ILKAP: variants seen among roughly 807,000 people sequenced by gnomAD.
The protein encoded by ILKAP is integrin-linked kinase-associated serine/threonine phosphatase 2C.
In ILKAP, 11 loss-of-function variants were observed where a neutral mutation model predicts 49.1. That is an observed-to-expected ratio of 0.22 (90% CI 0.14 to 0.37). The LOEUF (loss-of-function observed/expected upper bound fraction) is 0.37, where lower values mean the gene tolerates loss of function less well. Among genes scored for constraint, ILKAP ranks in the 10% least tolerant of loss-of-function variants. ILKAP has a pLI of 1.00. For missense variants in ILKAP, 363 were observed against 510.8 expected, an observed-to-expected ratio of 0.71 and a Z score of 2.79; for synonymous variants, 186 against 192.8, an observed-to-expected ratio of 0.96 and a Z score of 0.29.
chr2:238,178,518 T>C (rs1450468211), intron 9 of ILKAP, among the ~76,000 whole-genome samples: 1 of 152,212 alleles, frequency 6.6e-6, no homozygotes, highest in Non-Finnish European at 1.5e-5. Context: ...TATGAAACTG[T>C]TTTAACAAAT....
At chr2:238,173,441 TTCCC>T in intron 10 of ILKAP, 89 bp downstream of exon 10, 1 of 1,520,248 alleles carries the variant, frequency 6.6e-7, no homozygotes, top group Non-Finnish European at 9.0e-7. Flanking sequence ...CATGCACACC[TTCCC>T]TCCAACAAAG....
At chr2:238,195,002 G>T in intron 1 of ILKAP, 132 bp from the exon 2 acceptor site, 1 of 666,414 alleles carries the variant, frequency 1.5e-6, no homozygotes, top group Non-Finnish European at 2.6e-6. Flanking sequence ...CCTTCCTGTT[G>T]GGCAAATTTT....
At chr2:238,179,517 T>C (rs1693600760) in intron 9 of ILKAP, among the ~76,000 whole-genome samples, 1 of 152,190 alleles carries the variant, frequency 6.6e-6, no homozygotes, top group African/African-American at 2.4e-5. Context: ...GATTTAGGGA[T>C]GCTAAGACCA....
intron 8 of ILKAP, among the ~76,000 whole-genome samples, chr2:238,182,903 A>G (rs1340560515): frequency 6.6e-6 from 1 of 152,154 alleles, no homozygotes; most frequent in Admixed American, 6.5e-5. Flanking sequence ...CCATACCCCT[A>G]GCACTTAGTA....
intron 9 of ILKAP, among the ~76,000 whole-genome samples, chr2:238,180,652 G>A (rs1693652812): frequency 1.3e-5 from 2 of 152,234 alleles, no homozygotes; most frequent in Non-Finnish European, 2.9e-5. Context: ...GACCCACGCT[G>A]CTGGTCTCTT....
chr2:238,172,004 A>G (rs1048369158), intron 10 of ILKAP, among the ~76,000 whole-genome samples: 1 of 151,902 alleles, frequency 6.6e-6, no homozygotes, highest in South Asian at 2.1e-4. Context: ...TCTCACTGTA[A>G]TATCTGTGGG....
At chr2:238,185,579 G>A (rs1172222524) in intron 5 of ILKAP, 11 of 269,126 alleles carry the variant, frequency 4.1e-5, no homozygotes, top group South Asian at 2.1e-4. Context: ...CGAGGCAGGC[G>A]GATCACGAGA....
chr2:238,174,938 A>G (rs943848652), intron 9 of ILKAP, among the ~76,000 whole-genome samples: 4 of 152,168 alleles, frequency 2.6e-5, no homozygotes, highest in African/African-American at 9.7e-5. Flanking sequence ...CCCAGTCATA[A>G]ATCCATCCTG....
At chr2:238,188,358 A>C (rs60823094) in intron 4 of ILKAP, 101 bp from the exon 5 acceptor site, 65,005 of 1,388,402 alleles carry the variant, frequency 0.047, 2,978 homozygotes, top group African/African-American at 0.23. Context: ...TGTCTGACTC[A>C]GCAATATCCT....
chr2:238,187,188 G>C (rs994178284), intron 5 of ILKAP: 3 of 152,304 alleles, frequency 2.0e-5, no homozygotes, highest in African/African-American at 7.2e-5. Flanking sequence ...AGGAGGTCAA[G>C]CCTGCAATGA....
chr2:238,174,829 C>T (rs1693377581), intron 9 of ILKAP, among the ~76,000 whole-genome samples: 1 of 151,846 alleles, frequency 6.6e-6, no homozygotes, highest in Non-Finnish European at 1.5e-5. Flanking sequence ...TTAAGAGTGC[C>T]ACTTCAGGAA....
intron 1 of ILKAP, among the ~76,000 whole-genome samples, chr2:238,202,236 A>G (rs1365895691): frequency 6.6e-6 from 1 of 152,158 alleles, no homozygotes; most frequent in Non-Finnish European, 1.5e-5. Context: ...AAAATAAAAT[A>G]AAATGTTTTC....
intron 9 of ILKAP, among the ~76,000 whole-genome samples, chr2:238,174,511 G>A (rs925987218): frequency 2.3e-4 from 35 of 152,294 alleles, no homozygotes; most frequent in African/African-American, 7.9e-4. Context: ...AGATCACCAC[G>A]GGGCTCCCAA....
At chr2:238,182,680 T>A (rs1693746992) in intron 8 of ILKAP, among the ~76,000 whole-genome samples, 1 of 152,218 alleles carries the variant, frequency 6.6e-6, no homozygotes, top group Non-Finnish European at 1.5e-5. Context: ...AGGAAGACAC[T>A]GAGGCACGAA....
At chr2:238,191,913 A>G (rs1253740717) in intron 3 of ILKAP, among the ~76,000 whole-genome samples, 2 of 151,682 alleles carry the variant, frequency 1.3e-5, no homozygotes, top group South Asian at 2.1e-4. Context: ...TCAAAAAAAA[A>G]AAAAAGAAAA....
intron 4 of ILKAP, 151 bp from the exon 5 acceptor site, chr2:238,188,408 C>T: frequency 1.2e-6 from 1 of 858,672 alleles, no homozygotes; most frequent in Non-Finnish European, 1.7e-6. Context: ...TAAGGCATCT[C>T]CCCCAGCTGC....
chr2:238,191,738 T>C (rs1694132728), intron 3 of ILKAP, among the ~76,000 whole-genome samples: 1 of 151,762 alleles, frequency 6.6e-6, no homozygotes, highest in Non-Finnish European at 1.5e-5. Context: ...CGAAACCCGG[T>C]CTCTAATTAA....
At chr2:238,171,077 AAAAT>A in intron 10 of ILKAP, 53 bp from the exon 11 acceptor site, 1 of 1,261,536 alleles carries the variant, frequency 7.9e-7, no homozygotes, top group Non-Finnish European at 1.1e-6. Flanking sequence ...CAAAAAATAA[AAAAT>A]AAAAAAAGGG....
At chr2:238,178,667 G>A (rs1693569276) in intron 9 of ILKAP, among the ~76,000 whole-genome samples, 1 of 152,188 alleles carries the variant, frequency 6.6e-6, no homozygotes, top group Admixed American at 6.5e-5. Context: ...AAAATGTGTT[G>A]TGTTTCCTAG....
Sources: allele counts gnomAD v4.1 joint callset (sites outside exome capture counted in the v4.1 genomes callset), GRCh38; gene constraint gnomAD v4.1.1; transcripts MANE v1.5; gene names NCBI Gene and HGNC (gene_info 2026-07-23, HGNC 2026-07-21).